Variants in PTGER4 observed in about 807,000 individuals in gnomAD.
The protein encoded by PTGER4 is prostaglandin E receptor 4, also known as prostaglandin E2 receptor EP4 subtype.
A neutral mutation model predicts 33.2 loss-of-function variants in PTGER4; 11 were observed. The observed-to-expected ratio is 0.33, with a 90% CI of 0.21 to 0.55. The LOEUF (loss-of-function observed/expected upper bound fraction) is 0.55, where lower values mean the gene tolerates loss of function less well. Ranked by LOEUF, PTGER4 falls within the 20% of genes least tolerant of loss-of-function variation. PTGER4 has a pLI of 0.92. For synonymous variants in PTGER4, 275 were observed against 281.5 expected (o/e 0.98, Z 0.23); for missense variants, 481 against 650.2 (o/e 0.74, Z 2.83).
chr5:40,713,735 GA>G, the PTGER4 span, among the ~76,000 whole-genome samples: 4 of 151,988 alleles, frequency 2.6e-5, no homozygotes, highest in African/African-American at 9.7e-5. Flanking sequence ...AATATAACTT[GA>G]ACAGTAAACA....
At chr5:40,695,718 A>T (rs779019303), downstream of PTGER4, among the ~76,000 whole-genome samples, 2 of 150,378 alleles carry the variant, frequency 1.3e-5, no homozygotes, top group Non-Finnish European at 3.0e-5. Context: ...CGGAAAAAAG[A>T]AAAAAATGGT....
the PTGER4 span, among the ~76,000 whole-genome samples, chr5:40,722,403 C>T: frequency 1.3e-5 from 2 of 151,588 alleles, no homozygotes; most frequent in East Asian, 3.9e-4. Context: ...TGCCCGGCCG[C>T]CCAGTCTGGG....
the PTGER4 span, among the ~76,000 whole-genome samples, chr5:40,742,440 C>T: frequency 0.69 from 104,762 of 152,046 alleles, 36,139 homozygotes; most frequent in East Asian, 0.8. Context: ...TAGATATTTT[C>T]TGCAGAAAAG....
At chr5:40,699,652 T>A in the PTGER4 span, among the ~76,000 whole-genome samples, 1 of 152,132 alleles carries the variant, frequency 6.6e-6, no homozygotes, top group African/African-American at 2.4e-5. Context: ...ATAATCATCA[T>A]GAGTAAGTAG....
At chr5:40,733,295 G>A in the PTGER4 span, among the ~76,000 whole-genome samples, 8 of 152,088 alleles carry the variant, frequency 5.3e-5, no homozygotes, top group African/African-American at 1.9e-4. Flanking sequence ...AGAGCAAGGG[G>A]TGGCATAGTA....
At chr5:40,689,267 C>T (rs1161397675) in intron 2 of PTGER4, among the ~76,000 whole-genome samples, 1 of 151,932 alleles carries the variant, frequency 6.6e-6, no homozygotes, top group African/African-American at 2.4e-5. Context: ...AGGAAATGAA[C>T]AAAAATCTTT....
At chr5:40,716,160 A>G in the PTGER4 span, 5 of 1,603,540 alleles carry the variant, frequency 3.1e-6, no homozygotes, top group African/African-American at 6.7e-5. Flanking sequence ...GGGCTTTGAT[A>G]AAAACAGAGC....
chr5:40,716,555 C>T, the PTGER4 span: 2 of 1,156,422 alleles, frequency 1.7e-6, no homozygotes, highest in Non-Finnish European at 2.5e-6. Flanking sequence ...ATGTTTAATA[C>T]AATCCTGTGT....
At chr5:40,741,631 A>T in the PTGER4 span, among the ~76,000 whole-genome samples, 33 of 152,174 alleles carry the variant, frequency 2.2e-4, no homozygotes, top group East Asian at 4.8e-3. Flanking sequence ...CAGCAAGACC[A>T]CTGTGGTCTA....
At chr5:40,721,282 C>T in the PTGER4 span, among the ~76,000 whole-genome samples, 1 of 152,016 alleles carries the variant, frequency 6.6e-6, no homozygotes, top group Non-Finnish European at 1.5e-5. Context: ...GAGCTGGGCA[C>T]AAAGTAAATG....
the PTGER4 span, among the ~76,000 whole-genome samples, chr5:40,731,898 T>C: frequency 6.6e-6 from 1 of 152,364 alleles, no homozygotes; most frequent in East Asian, 1.9e-4. Context: ...GCAACACTTA[T>C]ATTTCCAAAG....
At chr5:40,682,113 A>C (rs1271582987) in intron 2 of PTGER4, among the ~76,000 whole-genome samples, 1 of 151,454 alleles carries the variant, frequency 6.6e-6, no homozygotes, top group Admixed American at 6.6e-5. Flanking sequence ...TTCTTTCTCC[A>C]CCGAGACAGC....
rs1741255209 is a variant in PTGER4, at chr5:40,683,797, T to C, written c.867+1937T>C. Among the ~76,000 whole-genome samples, 1 of 152,128 alleles carries C rather than the reference T, an allele frequency of 6.6e-6. No individual in the cohort carries two copies. The highest frequency in any genetic ancestry group is 2.1e-4 in the South Asian group (1 of 4,826). Reference sequence around the variant, plus strand: ...CCCTTACACAAAGCCTTGAAATTATTTGAGGACCTAGAGGCAAGAAATTAT... The same window carrying C: ...CCCTTACACAAAGCCTTGAAATTATCTGAGGACCTAGAGGCAAGAAATTAT... On this transcript the variant is annotated intron_variant, in intron 2 of 2. Transcript: ENST00000302472. This position sits in a 1 kb window ranked among gnomAD's most constrained non-coding sequence, Gnocchi z 4.2.
the PTGER4 span, among the ~76,000 whole-genome samples, chr5:40,703,902 CAAAAAAAAAAAAAAAAAAAAAAAAAAAAA>C: frequency 7.3e-4 from 27 of 37,234 alleles, 1 homozygote; most frequent in South Asian, 1.5e-3. Flanking sequence ...GACGCCGTCT[CAAAAAAAAAAAAAAAAAAAAAAAAAAAAA>C]AAAAAAAAAA....
chr5:40,694,906 T>C (rs557845617), downstream of PTGER4, among the ~76,000 whole-genome samples: 6 of 152,340 alleles, frequency 3.9e-5, no homozygotes, highest in African/African-American at 1.2e-4. Flanking sequence ...TTTTGTTTCT[T>C]GCTATAGGAC....
chr5:40,706,864 G>A, the PTGER4 span, among the ~76,000 whole-genome samples: 2 of 152,088 alleles, frequency 1.3e-5, no homozygotes, highest in African/African-American at 4.8e-5. Flanking sequence ...AAGAGAGTGG[G>A]GGCCAATATT....
chr5:40,723,843 C>T, the PTGER4 span, among the ~76,000 whole-genome samples: 6 of 151,648 alleles, frequency 4.0e-5, no homozygotes, highest in African/African-American at 9.7e-5. Context: ...CCAGCCTGGG[C>T]GACAGAGCAA....
chr5:40,692,438 CACAT>C lies in PTGER4; in HGVS notation c.*65_*68del. 1 of 1,512,012 alleles carries C rather than the reference CACAT, an allele frequency of 6.6e-7. No individual in the cohort carries two copies. Among genetic ancestry groups the C allele is most frequent in the Non-Finnish European group, 8.8e-7 (1 of 1,134,922 alleles). 93.7% of individuals were successfully genotyped at this position (1,512,012 alleles called of 1,614,324 possible). A position where few individuals can be genotyped will look rare whatever the true frequency, so the allele number is the denominator to read the frequency against. The stretch of plus-strand genomic sequence containing the variant: ...CCCTTATAAAATCCTGTGCAATAGA[CACAT>C]ACATGTCACATTTAGCTGTGCTCAG... On this transcript the variant is annotated 3_prime_UTR_variant, in exon 3 of 3. Coordinates refer to ENST00000302472, the MANE Select transcript of PTGER4 (RefSeq NM_000958.3).
At chr5:40,728,491 A>G in the PTGER4 span, 1 of 1,578,440 alleles carries the variant, frequency 6.3e-7, no homozygotes, top group East Asian at 2.2e-5. Flanking sequence ...AGGCAAAAAA[A>G]GACCAAAAAA....
Sources: gnomAD v4.1 joint callset for allele counts (sites outside exome capture counted in the v4.1 genomes callset) on GRCh38, gnomAD v4.1.1 for gene constraint, Gnocchi (gnomAD v3.1) non-coding constraint, MANE v1.5 for transcripts, NCBI Gene and HGNC (gene_info 2026-07-23, HGNC 2026-07-21) for gene names.